The following DHRS9 variants were observed in gnomAD, a reference collection of about 807,000 sequenced individuals.
DHRS9 encodes the protein dehydrogenase/reductase 9.
Under a neutral mutation model 26.6 loss-of-function variants are expected in DHRS9, and 18 were observed. The observed-to-expected ratio is 0.68, with a 90% CI of 0.47 to 1.00. The LOEUF (loss-of-function observed/expected upper bound fraction) is 1.00, where lower values mean the gene tolerates loss of function less well. Among genes scored for constraint, DHRS9 ranks in the 50% least tolerant of loss-of-function variants. The pLI is 0.00. For synonymous variants in DHRS9, 134 were observed against 141.1 expected (o/e 0.95, Z 0.36); for missense variants, 425 against 378.7 (o/e 1.12, Z -1.01).
intron 1 of DHRS9, among the ~76,000 whole-genome samples, chr2:169,073,431 C>A (rs1454706220): frequency 6.6e-6 from 1 of 152,196 alleles, no homozygotes; most frequent in South Asian, 2.1e-4. Flanking sequence ...TGAACCATAG[C>A]AGTTATTATC....
At chr2:169,093,332 A>G (rs187100681) in intron 4 of DHRS9, among the ~76,000 whole-genome samples, 1,351 of 77,428 alleles carry the variant, frequency 0.017, 22 homozygotes, top group African/African-American at 0.12. Context: ...ATTACCCTAA[A>G]CACACACACA....
chr2:169,089,622 T>G (rs985793149), intron 3 of DHRS9, among the ~76,000 whole-genome samples: 6 of 152,216 alleles, frequency 3.9e-5, no homozygotes, highest in Non-Finnish European at 7.3e-5. Flanking sequence ...TAGGTTTAGT[T>G]TACTAATAAA....
At position 169,081,532 on chromosome 2, in the gene DHRS9, T is replaced by G; in HGVS notation, c.-50T>G. The stretch of plus-strand genomic sequence containing the variant: ...CACTTTGAACACTCAGGACACCATC[T>G]TCTTGTATTATACAAGAAAGGAGTG... On this transcript the variant is annotated 5_prime_UTR_variant, in exon 2 of 5. Coordinates refer to ENST00000674881, the MANE Select transcript of DHRS9 (RefSeq NM_001376924.1). The G allele has an allele frequency of 6.4e-7, 1 of 1,570,994 alleles. No individual in the cohort carries two copies. Among genetic ancestry groups the G allele is most frequent in the Non-Finnish European group, 8.6e-7 (1 of 1,162,960 alleles).
chr2:169,082,458 T>A (rs1313989288), intron 2 of DHRS9, among the ~76,000 whole-genome samples: 1 of 152,214 alleles, frequency 6.6e-6, no homozygotes, highest in East Asian at 1.9e-4. Context: ...AGAATTTTTA[T>A]TGGCTTTGAA....
chr2:169,074,014 A>T (rs941498379), intron 1 of DHRS9, among the ~76,000 whole-genome samples: 9 of 152,168 alleles, frequency 5.9e-5, no homozygotes, highest in African/African-American at 2.2e-4. Context: ...CAGAGATGCC[A>T]CTAAACATGC....
chr2:169,083,719 G>C, intron 3 of DHRS9, 132 bp downstream of exon 3: 2 of 1,010,028 alleles, frequency 2.0e-6, no homozygotes, highest in Non-Finnish European at 1.4e-6. Flanking sequence ...TGGGTACATA[G>C]TAGGTATATA....
In DHRS9 at chr2:169,095,920, G is replaced by A; in HGVS notation, c.*153G>A. The A allele has an allele frequency of 4.3e-6, 3 of 692,070 alleles. No homozygotes were observed. The highest frequency in any genetic ancestry group is 7.4e-6 in the Non-Finnish European group (3 of 407,612). 42.9% of individuals were successfully genotyped at this position (692,070 alleles called of 1,614,324 possible). On this transcript the variant is annotated 3_prime_UTR_variant, in exon 5 of 5. Coordinates refer to ENST00000674881, the MANE Select transcript of DHRS9 (RefSeq NM_001376924.1). ...AAAAGGGAGTCCCACCATCGCTGGT[G>A]GTATCCCAGGGTCCCTGCTCAAGTT...
chr2:169,088,151 C>T (rs1023766178), intron 3 of DHRS9, among the ~76,000 whole-genome samples: 1 of 152,314 alleles, frequency 6.6e-6, no homozygotes, highest in African/African-American at 2.4e-5. Flanking sequence ...GGCTTGCTGG[C>T]ACTCAGGTTC....
At chr2:169,094,402 G>A (rs1684629155) in intron 4 of DHRS9, among the ~76,000 whole-genome samples, 1 of 151,810 alleles carries the variant, frequency 6.6e-6, no homozygotes, top group South Asian at 2.1e-4. Flanking sequence ...TGTTTCCTTT[G>A]CTGTGCAGAA....
intron 4 of DHRS9, among the ~76,000 whole-genome samples, chr2:169,092,769 A>T (rs931168582): frequency 6.6e-6 from 1 of 152,222 alleles, no homozygotes; most frequent in Non-Finnish European, 1.5e-5. Context: ...AATAATAAAG[A>T]TGACATAATG....
upstream of DHRS9, among the ~76,000 whole-genome samples, chr2:169,068,639 G>T (rs923275367): frequency 6.6e-6 from 1 of 152,128 alleles, no homozygotes; most frequent in Non-Finnish European, 1.5e-5. Flanking sequence ...ATTTTAAAGG[G>T]TGATAGCAGT....
intron 1 of DHRS9, among the ~76,000 whole-genome samples, chr2:169,073,611 G>C (rs1558949312): frequency 6.6e-6 from 1 of 152,148 alleles, no homozygotes; most frequent in East Asian, 1.9e-4. Context: ...GAGGTGATTG[G>C]ATGAAGAGAT....
intron 1 of DHRS9, among the ~76,000 whole-genome samples, chr2:169,072,335 C>G (rs1683832762): frequency 6.6e-6 from 1 of 152,162 alleles, no homozygotes; most frequent in South Asian, 2.1e-4. Flanking sequence ...GTGTGGTTGA[C>G]TAGCTTTGGT....
At chr2:169,076,532 T>C (rs566661208) in intron 1 of DHRS9, among the ~76,000 whole-genome samples, 1 of 152,366 alleles carries the variant, frequency 6.6e-6, no homozygotes, top group South Asian at 2.1e-4. Flanking sequence ...TTTTTGTATT[T>C]ACTGACTCAT....
At position 169,095,636 on chromosome 2, in the gene DHRS9, C is replaced by G. The variant is rs1684672005; in HGVS notation, c.829C>G (p.Pro277Ala). 1 of 1,613,828 alleles carries G rather than the reference C, an allele frequency of 6.2e-7. No individual in the cohort carries two copies. The highest frequency in any genetic ancestry group is 8.5e-7 in the Non-Finnish European group (1 of 1,179,916). Residue 277 changes from proline (P) to alanine (A), a missense_variant, in exon 5 of 5, where the codon CCT (proline) becomes GCT (alanine). Physicochemically the swap from Pro to Ala is conservative, Grantham distance 27. Transcript: ENST00000674881. ...GGACCACGCTCTAACAAGTCTCTTC[C>G]CTAAGACTCATTATGCCGCTGGAAA... ...CMDHALTSLF[P>A]KTHYAAGKDA...
In DHRS9 at chr2:169,093,620, C is replaced by A. The variant is rs994275843; in HGVS notation, c.736+1667C>A. ...TTTTTAAATGCCTTTGAATATATCA[C>A]TGACTTCCATCTCCAATTATTTTTG... On this transcript the variant is annotated intron_variant, in intron 4 of 4. Coordinates refer to ENST00000674881, the MANE Select transcript of DHRS9 (RefSeq NM_001376924.1). Among the ~76,000 whole-genome samples the A allele has an allele frequency of 2.1e-4, 32 of 152,162 alleles. 1 individual carries two copies.
chr2:169,072,549 T>C lies in DHRS9; in HGVS notation c.-60+2832T>C, dbSNP rs2287610. 8.8e-3 allele frequency: 8,089 copies of C among 916,228 alleles called. 324 individuals are homozygous for C. In the East Asian group the frequency reaches 0.14, roughly 15 times the overall value. 56.8% of individuals were successfully genotyped at this position (916,228 alleles called of 1,614,324 possible). On this transcript the variant is annotated intron_variant, in intron 1 of 4. Coordinates refer to ENST00000674881, the MANE Select transcript of DHRS9 (RefSeq NM_001376924.1). Reference sequence around the variant, plus strand: ...GGTGAATAAGAGAAGTGAAATTAAATAATCCTATTTTAACTTTTTTACTAG... The same window carrying C: ...GGTGAATAAGAGAAGTGAAATTAAACAATCCTATTTTAACTTTTTTACTAG...
chr2:169,092,881 T>C (rs534229309), intron 4 of DHRS9, among the ~76,000 whole-genome samples: 3 of 152,324 alleles, frequency 2.0e-5, no homozygotes, highest in East Asian at 1.9e-4. Context: ...TATTATCGTC[T>C]TCATTTTATA....
intron 3 of DHRS9, among the ~76,000 whole-genome samples, chr2:169,085,672 C>A (rs1684328287): frequency 6.6e-6 from 1 of 151,996 alleles, no homozygotes; most frequent in Admixed American, 6.6e-5. Flanking sequence ...CAATAGAAAT[C>A]TTTTTTGGAT....
Sources: gnomAD v4.1 joint callset for allele counts (sites outside exome capture counted in the v4.1 genomes callset) on GRCh38, gnomAD v4.1.1 for gene constraint, MANE v1.5 for transcripts, NCBI Gene and HGNC (gene_info 2026-07-23, HGNC 2026-07-21) for gene names.